ABTB2: variants seen among roughly 807,000 people sequenced by gnomAD.
ABTB2 encodes ankyrin repeat and BTB domain containing 2.
A neutral mutation model predicts 104.1 loss-of-function variants in ABTB2; 56 were observed. The observed-to-expected ratio is 0.54, with a 90% confidence interval of 0.43 to 0.67. The LOEUF (loss-of-function observed/expected upper bound fraction) is 0.67. Among genes scored for constraint, ABTB2 ranks in the 30% least tolerant of loss-of-function variants. ABTB2 has a pLI of 0.00. For missense variants in ABTB2, 1,279 were observed against 1,407.7 expected (o/e 0.91, Z 1.46); for synonymous variants, 606 against 608.2 (o/e 1.00, Z 0.05).
intron 3 of ABTB2, among the ~76,000 whole-genome samples, chr11:34,179,839 T>C (rs780958853): frequency 5.3e-5 from 8 of 152,192 alleles, no homozygotes; most frequent in Non-Finnish European, 1.2e-4. Flanking sequence ...ATCCAGTGTA[T>C]TCCCAATGAG....
intron 1 of ABTB2, among the ~76,000 whole-genome samples, chr11:34,303,738 G>A (rs78699939): frequency 0.02 from 2,987 of 147,798 alleles, 85 homozygotes; most frequent in African/African-American, 0.071. Flanking sequence ...TGTCTCCTGG[G>A]ATCAAGCAAT....
chr11:34,219,317 C>A (rs1277426406), intron 1 of ABTB2, among the ~76,000 whole-genome samples: 3 of 152,012 alleles, frequency 2.0e-5, no homozygotes, highest in Non-Finnish European at 2.9e-5. Context: ...CTTTGGGAGA[C>A]CAAGCCAGGA....
At chr11:34,314,451 T>G (rs1395027787) in intron 1 of ABTB2, among the ~76,000 whole-genome samples, 2 of 152,214 alleles carry the variant, frequency 1.3e-5, no homozygotes, top group South Asian at 4.1e-4. Context: ...ATTTGTTGCA[T>G]GAAGAAAGGA....
intron 1 of ABTB2, among the ~76,000 whole-genome samples, chr11:34,355,322 C>T (rs749732900): frequency 6.6e-6 from 1 of 152,178 alleles, no homozygotes; most frequent in Admixed American, 6.5e-5. Flanking sequence ...TTCTTCTCCA[C>T]CAGCATCTAG....
chr11:34,279,111 T>C (rs1482495770), intron 1 of ABTB2, among the ~76,000 whole-genome samples: 1 of 152,166 alleles, frequency 6.6e-6, no homozygotes, highest in Non-Finnish European at 1.5e-5. Context: ...CAAACCATCC[T>C]CTTACTTCAA....
intron 1 of ABTB2, among the ~76,000 whole-genome samples, chr11:34,283,023 C>A (rs994835992): frequency 6.6e-6 from 1 of 151,676 alleles, no homozygotes; most frequent in Non-Finnish European, 1.5e-5. Context: ...ATTCCCCAGC[C>A]TCAGCCTCCT....
intron 10 of ABTB2, among the ~76,000 whole-genome samples, chr11:34,161,802 C>T (rs1275860449): frequency 6.6e-6 from 1 of 152,220 alleles, no homozygotes; most frequent in Non-Finnish European, 1.5e-5. Context: ...GAACTGACGG[C>T]ATTCCCCAGC....
At chr11:34,196,968 GC>G (rs1853264350) in intron 3 of ABTB2, among the ~76,000 whole-genome samples, 1 of 152,226 alleles carries the variant, frequency 6.6e-6, no homozygotes, top group African/African-American at 2.4e-5. Context: ...CATCCTACAT[GC>G]TTTTACTCAG....
Position 34,154,629 on chromosome 11 carries a change from G to C in ABTB2, c.2766+72C>G. On this transcript the variant is annotated intron_variant, in intron 15 of 16. Coordinates refer to ENST00000435224, the MANE Select transcript of ABTB2 (RefSeq NM_145804.3). This position sits in a 1 kb window ranked among gnomAD's most constrained non-coding sequence, Gnocchi z 4.9. ...GGAGAGGAAGAGCCACCTTCCCTCT[G>C]AAGGGGGTGAATGGGAGACCGAGCC... The C allele has an allele frequency of 6.7e-7, 1 of 1,483,182 alleles. No homozygotes were observed. Among genetic ancestry groups the C allele is most frequent in the Non-Finnish European group, 9.4e-7 (1 of 1,066,384 alleles). 91.9% of individuals were successfully genotyped at this position (1,483,182 alleles called of 1,614,324 possible). A position where few individuals can be genotyped will look rare whatever the true frequency, so the allele number is the denominator to read the frequency against.
Position 34,357,256 on chromosome 11 carries a change from T to A in ABTB2, c.328A>T (p.Lys110Ter). 2 of 1,496,390 alleles carry A rather than the reference T, an allele frequency of 1.3e-6. No homozygotes were observed. Among genetic ancestry groups the A allele is most frequent in the Non-Finnish European group, 1.8e-6 (2 of 1,128,296 alleles). The allele number at this position is 1,496,390 out of a possible 1,614,324, so 92.7% of individuals were successfully genotyped here. ...GGCAGCCGCCGGCCGCCAGCGCCTT[T>A]GCGGAGCACCCGGGCCACGTCTCCT... ...TEGDVARVLRKGAGGRRLPQF... is the reference protein window; with the variant it reads ...TEGDVARVLR Residue 110 changes from lysine to a stop codon, truncating the protein, a stop_gained, in exon 1 of 17, where the codon AAA (lysine) becomes TAA (stop). Transcript: ENST00000435224. LOFTEE classifies it high-confidence loss of function.
chr11:34,208,506 C>A (rs1853437541), intron 1 of ABTB2, among the ~76,000 whole-genome samples: 1 of 152,196 alleles, frequency 6.6e-6, no homozygotes, highest in Non-Finnish European at 1.5e-5. Flanking sequence ...CTTTGCCTCC[C>A]TCTTCTAAAA....
intron 1 of ABTB2, among the ~76,000 whole-genome samples, chr11:34,256,332 C>T (rs1854122644): frequency 6.6e-6 from 1 of 152,128 alleles, no homozygotes; most frequent in Admixed American, 6.5e-5. Flanking sequence ...CTGGTGAATG[C>T]CCCCTAATTC....
intron 3 of ABTB2, among the ~76,000 whole-genome samples, chr11:34,178,600 T>G (rs1381566759): frequency 6.6e-6 from 1 of 152,256 alleles, no homozygotes; most frequent in Admixed American, 6.5e-5. Flanking sequence ...TCCCGTAGGC[T>G]GAGCTTGGTC....
chr11:34,277,770 A>C (rs1240254697), intron 1 of ABTB2, among the ~76,000 whole-genome samples: 1 of 151,600 alleles, frequency 6.6e-6, no homozygotes, highest in Non-Finnish European at 1.5e-5. Context: ...TCTGTCTCAA[A>C]AACAAAATGA....
chr11:34,298,740 G>T (rs577318289), intron 1 of ABTB2, among the ~76,000 whole-genome samples: 9 of 152,166 alleles, frequency 5.9e-5, no homozygotes, highest in Middle Eastern at 3.2e-3. Flanking sequence ...AGGATTATAG[G>T]TGTGAGCAAC....
At chr11:34,167,113 T>C in intron 7 of ABTB2, 146 bp downstream of exon 7, 1 of 699,668 alleles carries the variant, frequency 1.4e-6, no homozygotes, top group Non-Finnish European at 2.3e-6. Flanking sequence ...GCTGCTGCTC[T>C]ATCGATCAGG....
intron 2 of ABTB2, among the ~76,000 whole-genome samples, chr11:34,203,073 A>C (rs1376715746): frequency 1.3e-5 from 2 of 152,154 alleles, no homozygotes; most frequent in Non-Finnish European, 2.9e-5. Flanking sequence ...CACCATGAGA[A>C]GAGGCAAAGG....
At chr11:34,332,757 AG>A (rs1263248234) in intron 1 of ABTB2, among the ~76,000 whole-genome samples, 3 of 152,142 alleles carry the variant, frequency 2.0e-5, no homozygotes, top group Non-Finnish European at 2.9e-5. Flanking sequence ...CAAAGGCAGG[AG>A]AACTCTGCTT....
rs144467484 is a variant in ABTB2, at chr11:34,349,900, C to T, written c.883+6801G>A. Among the ~76,000 whole-genome samples the T allele has an allele frequency of 4.6e-3, 704 of 152,318 alleles. 5 individuals carry two copies. Among genetic ancestry groups the T allele is most frequent in the African/African-American group, 0.016 (674 of 41,562 alleles). On this transcript the variant is annotated intron_variant, in intron 1 of 16. Transcript: ENST00000435224. ...AAACAACTTGCCCAGGGTCACACAG[C>T]TCCCAAGTGAAGTTATGAGGAATTA...
Sources: allele counts gnomAD v4.1 joint callset (sites outside exome capture counted in the v4.1 genomes callset), GRCh38; gene constraint gnomAD v4.1.1; non-coding constraint Gnocchi (gnomAD v3.1); transcripts MANE v1.5; gene names NCBI Gene and HGNC (gene_info 2026-07-23, HGNC 2026-07-21).